The following VPS13B variants were observed in gnomAD, a reference collection of about 807,000 sequenced individuals.
The protein encoded by VPS13B is intermembrane lipid transfer protein VPS13B.
Under a neutral mutation model 426.4 loss-of-function variants are expected in VPS13B, and 285 were observed. The observed-to-expected ratio is 0.67, with a 90% CI of 0.61 to 0.74. The LOEUF (loss-of-function observed/expected upper bound fraction) is 0.74, where lower values mean the gene tolerates loss of function less well. VPS13B is among the 30% of genes least tolerant of loss of function. VPS13B has a pLI of 0.00. For synonymous variants in VPS13B, 1,676 were observed against 1,676.4 expected, an observed-to-expected ratio of 1.00 and a Z score of 0.01; for missense variants, 4,537 against 4,782.6, an observed-to-expected ratio of 0.95 and a Z score of 1.51.
intron 25 of VPS13B, among the ~76,000 whole-genome samples, chr8:99,484,591 A>G (rs1168005232): frequency 1.3e-5 from 2 of 152,170 alleles, no homozygotes; most frequent in Non-Finnish European, 1.5e-5. Context: ...AAGCTACTGA[A>G]TGAAAACAAT....
chr8:99,026,772 A>C (rs1033778620), intron 2 of VPS13B, among the ~76,000 whole-genome samples: 1 of 152,010 alleles, frequency 6.6e-6, no homozygotes, highest in Non-Finnish European at 1.5e-5. Flanking sequence ...ACTCCTATTC[A>C]TTTTTGGTGG....
At chr8:99,099,836 G>A (rs1451695122) in intron 4 of VPS13B, among the ~76,000 whole-genome samples, 1 of 152,176 alleles carries the variant, frequency 6.6e-6, no homozygotes, top group Non-Finnish European at 1.5e-5. Context: ...GGAAGAAGGG[G>A]TTATATGAGG....
At chr8:99,811,817 C>A (rs1248869672) in intron 44 of VPS13B, among the ~76,000 whole-genome samples, 1 of 152,110 alleles carries the variant, frequency 6.6e-6, no homozygotes, top group Non-Finnish European at 1.5e-5. Context: ...TAGTGCCCTC[C>A]TCAGGAAGTT....
intron 19 of VPS13B, among the ~76,000 whole-genome samples, chr8:99,287,260 A>G (rs866456792): frequency 1.5e-3 from 231 of 151,698 alleles, no homozygotes; most frequent in African/African-American, 5.1e-3. Flanking sequence ...CTATCTATCT[A>G]TCTATCTATC....
At chr8:99,474,216 T>C (rs1389570221) in intron 24 of VPS13B, among the ~76,000 whole-genome samples, 2 of 138,166 alleles carry the variant, frequency 1.4e-5, no homozygotes, top group Non-Finnish European at 3.1e-5. Context: ...GGAGACAGAG[T>C]CTCCCTCTGT....
In VPS13B at chr8:99,507,812, C is replaced by T. The variant is rs398124333; in HGVS notation, c.4224+609C>T. 6.2e-7 allele frequency: 1 copy of T among 1,614,008 alleles called. No individual in the cohort carries two copies. Among genetic ancestry groups the T allele is most frequent in the Non-Finnish European group, 8.5e-7 (1 of 1,179,948 alleles). On this transcript the variant is annotated intron_variant, in intron 28 of 61. Transcript: ENST00000357162. ...GGTCTTTGGGGCAATGTGGAGGTGT[C>T]TTCCTTTCCTGTACTGACAAGCTGA...
intron 28 of VPS13B, among the ~76,000 whole-genome samples, chr8:99,509,604 A>G (rs998283456): frequency 6.6e-6 from 1 of 152,182 alleles, no homozygotes; most frequent in Non-Finnish European, 1.5e-5. Context: ...GTGATGGGAT[A>G]ATATAGCTCA....
In VPS13B at chr8:99,402,333, A is replaced by G. The variant is rs543461784; in HGVS notation, c.3082+10629A>G. ...CATCTGTGTATGCCGCACTTGCACTACACCTGAGGGTCCCTGGAAGACATC... is the reference window on the plus strand; with the variant it reads ...CATCTGTGTATGCCGCACTTGCACTGCACCTGAGGGTCCCTGGAAGACATC... On this transcript the variant is annotated intron_variant, in intron 21 of 61. Coordinates refer to ENST00000357162, the MANE Select transcript of VPS13B (RefSeq NM_152564.5). Among the ~76,000 whole-genome samples the G allele has an allele frequency of 2.0e-5, 3 of 152,240 alleles. No individual in the cohort carries two copies. The South Asian group carries it at 6.2e-4, about 32-fold the overall frequency.
intron 24 of VPS13B, among the ~76,000 whole-genome samples, chr8:99,471,300 A>G (rs898475073): frequency 6.6e-6 from 1 of 152,144 alleles, no homozygotes; most frequent in African/African-American, 2.4e-5. Flanking sequence ...ATCAAAAAGC[A>G]TAACATTGTC....
intron 6 of VPS13B, among the ~76,000 whole-genome samples, chr8:99,111,981 CTGT>C (rs1371329988): frequency 6.6e-6 from 1 of 152,094 alleles, no homozygotes; most frequent in East Asian, 1.9e-4. Context: ...TCCACACTGT[CTGT>C]TGTTCCCATC....
At chr8:99,411,881 T>G (rs1815683979) in intron 21 of VPS13B, among the ~76,000 whole-genome samples, 1 of 151,722 alleles carries the variant, frequency 6.6e-6, no homozygotes, top group Non-Finnish European at 1.5e-5. Context: ...ATGTGTGGTG[T>G]TATTTCTGCT....
intron 33 of VPS13B, 137 bp from the exon 34 acceptor site, chr8:99,641,674 A>G (rs563193517): frequency 9.7e-6 from 8 of 822,202 alleles, no homozygotes; most frequent in South Asian, 4.7e-5. Flanking sequence ...CACCTATTCT[A>G]TTTTTCTGAT....
At chr8:99,103,838 A>G (rs995318555) in intron 5 of VPS13B, among the ~76,000 whole-genome samples, 11 of 151,876 alleles carry the variant, frequency 7.2e-5, no homozygotes, top group Admixed American at 5.9e-4. Context: ...GTTTTGCCAC[A>G]TTGCCCAGGT....
chr8:99,823,744 T>G, intron 50 of VPS13B, 88 bp from the exon 51 acceptor site: 1 of 1,393,234 alleles, frequency 7.2e-7, no homozygotes. Context: ...GGCAGACAAT[T>G]AGATAAAATA....
chr8:99,786,638 G>A (rs928698581), intron 43 of VPS13B, among the ~76,000 whole-genome samples: 1 of 152,106 alleles, frequency 6.6e-6, no homozygotes, highest in African/African-American at 2.4e-5. Flanking sequence ...CATAAAACAG[G>A]TATCTAATAA....
At chr8:99,303,954 C>T (rs757615784) in intron 19 of VPS13B, among the ~76,000 whole-genome samples, 27 of 151,980 alleles carry the variant, frequency 1.8e-4, no homozygotes, top group Non-Finnish European at 3.2e-4. Context: ...TTAATTTTGA[C>T]GTTCACATAA....
intron 19 of VPS13B, among the ~76,000 whole-genome samples, chr8:99,335,398 G>T (rs576759154): frequency 1.2e-3 from 184 of 152,186 alleles, no homozygotes; most frequent in African/African-American, 3.7e-3. Flanking sequence ...CCTTCTGCTA[G>T]CTTTTGAATG....
chr8:99,154,753 A>C (rs1811267261), intron 14 of VPS13B, among the ~76,000 whole-genome samples: 1 of 152,156 alleles, frequency 6.6e-6, no homozygotes, highest in South Asian at 2.1e-4. Context: ...AGTCTGAGCA[A>C]TCCTAATTCC....
intron 39 of VPS13B, among the ~76,000 whole-genome samples, chr8:99,721,973 A>G (rs373233859): frequency 3.9e-5 from 6 of 152,194 alleles, no homozygotes; most frequent in East Asian, 3.9e-4. Context: ...AGGTTATACT[A>G]TATCACTTCC....
Sources: gnomAD v4.1 joint callset for allele counts (sites outside exome capture counted in the v4.1 genomes callset) on GRCh38, gnomAD v4.1.1 for gene constraint, MANE v1.5 for transcripts, NCBI Gene and HGNC (gene_info 2026-07-23, HGNC 2026-07-21) for gene names.